Variants in ROBO1 observed in about 807,000 individuals in gnomAD.
The protein encoded by ROBO1 is roundabout guidance receptor 1.
ROBO1 carries 149 observed loss-of-function variants against 195.9 expected under a neutral mutation model. That is an observed-to-expected ratio of 0.76 (90% CI 0.67 to 0.87). The LOEUF (loss-of-function observed/expected upper bound fraction) is 0.87. Ranked by LOEUF, ROBO1 falls within the 40% of genes least tolerant of loss-of-function variation. The pLI is 0.00. For missense variants in ROBO1, 1,933 were observed against 2,068.3 expected, an observed-to-expected ratio of 0.93 and a Z score of 1.27; for synonymous variants, 816 against 733.2, an observed-to-expected ratio of 1.11 and a Z score of -1.82.
intron 8 of ROBO1, among the ~76,000 whole-genome samples, chr3:78,710,786 T>C (rs2081664864): frequency 6.6e-6 from 1 of 152,196 alleles, no homozygotes; most frequent in Admixed American, 6.5e-5. Flanking sequence ...AAGTCTCAAA[T>C]TATAAAGACA....
At chr3:78,645,525 C>CT (rs768954094) in intron 21 of ROBO1, among the ~76,000 whole-genome samples, 9 of 151,580 alleles carry the variant, frequency 5.9e-5, no homozygotes, top group Non-Finnish European at 1.3e-4. Flanking sequence ...ATTTCAGCCC[C>CT]TTTAAGCTGG....
At chr3:78,602,121 G>A (rs1703213291) in intron 29 of ROBO1, among the ~76,000 whole-genome samples, 3 of 151,926 alleles carry the variant, frequency 2.0e-5, no homozygotes, top group African/African-American at 7.3e-5. Flanking sequence ...CAAATCGCAT[G>A]TTGAATTGTA....
At chr3:79,174,917 T>G (rs2081239944) in intron 2 of ROBO1, among the ~76,000 whole-genome samples, 1 of 151,970 alleles carries the variant, frequency 6.6e-6, no homozygotes, top group South Asian at 2.1e-4. Context: ...GCAGAATTTT[T>G]TAATTGATGA....
chr3:78,668,424 C>T, intron 12 of ROBO1, 60 bp downstream of exon 12: 1 of 1,593,590 alleles, frequency 6.3e-7, no homozygotes, highest in Non-Finnish European at 8.6e-7. Flanking sequence ...ATCAATATCC[C>T]AGTAAGTAAA....
chr3:79,229,270 T>C (rs1314181554), intron 2 of ROBO1, among the ~76,000 whole-genome samples: 15 of 152,112 alleles, frequency 9.9e-5, no homozygotes, highest in Admixed American at 9.2e-4. Context: ...AGAACAATTC[T>C]AGGGCTAAAA....
At chr3:79,092,181 T>C (rs1205788102) in intron 3 of ROBO1, among the ~76,000 whole-genome samples, 1 of 152,168 alleles carries the variant, frequency 6.6e-6, no homozygotes, top group Admixed American at 6.5e-5. Context: ...CAACAGGACT[T>C]GCTTTCAGAT....
Position 79,268,803 on chromosome 3 carries a change from A to G in ROBO1, c.89-143264T>C, listed in dbSNP as rs559080605. On this transcript the variant is annotated intron_variant, in intron 2 of 30. Coordinates refer to ENST00000464233, the MANE Select transcript of ROBO1 (RefSeq NM_002941.4). ...TCCTTGCAGGAGGATTTGGATTGAC[A>G]TGGGTTTTGAGTATAGACCACATGG... Among the ~76,000 whole-genome samples, 3 of 151,822 alleles carry G rather than the reference A, an allele frequency of 2.0e-5. No individual in the cohort carries two copies. The South Asian group carries it at 6.2e-4, about 31-fold the overall frequency.
chr3:78,962,758 C>T (rs1197390855), intron 3 of ROBO1, among the ~76,000 whole-genome samples: 4 of 138,466 alleles, frequency 2.9e-5, no homozygotes, highest in Non-Finnish European at 6.1e-5. Context: ...TGGAGGGCAG[C>T]GCTTGCAGTG....
At chr3:79,624,519 T>A (rs1945107526) in intron 1 of ROBO1, among the ~76,000 whole-genome samples, 1 of 148,740 alleles carries the variant, frequency 6.7e-6, no homozygotes, top group South Asian at 2.1e-4. Flanking sequence ...ACTAAGCAAA[T>A]GGAAAGGAAA....
intron 4 of ROBO1, among the ~76,000 whole-genome samples, chr3:78,751,596 T>C (rs1003872287): frequency 6.6e-6 from 1 of 152,162 alleles, no homozygotes; most frequent in Admixed American, 6.6e-5. Flanking sequence ...TATCATGATA[T>C]AATTAATATT....
At chr3:79,743,990 A>G (rs1230749996) in intron 1 of ROBO1, among the ~76,000 whole-genome samples, 1 of 152,188 alleles carries the variant, frequency 6.6e-6, no homozygotes, top group Non-Finnish European at 1.5e-5. Flanking sequence ...ACATTCTAAA[A>G]TAACAGTAAA....
chr3:79,463,128 C>G (rs956099520), intron 2 of ROBO1, among the ~76,000 whole-genome samples: 4 of 152,118 alleles, frequency 2.6e-5, no homozygotes, highest in Admixed American at 6.5e-5. Flanking sequence ...AATCCCAGCA[C>G]TTTGGGAAGC....
Position 78,668,047 on chromosome 3 carries a change from T to C in ROBO1, c.1802A>G (p.His601Arg). The part of the protein sequence containing the change: ...PTSYIIEAFS[H>R]ASGSSWQTVA... ...GGTCTGCCAGCTGCTACCAGATGCA[T>C]GGCTAAGGATAGACACACAGGTTAG... Residue 601 changes from histidine to arginine, a missense_variant and splice_region_variant, in exon 14 of 31, where the codon CAT becomes CGT. His to Arg is a conservative substitution (Grantham distance 29, BLOSUM62 0). Transcript: ENST00000464233. 4 of 1,613,528 alleles carry C rather than the reference T, an allele frequency of 2.5e-6. No individual in the cohort carries two copies. The highest frequency in any genetic ancestry group is 1.7e-6 in the Non-Finnish European group (2 of 1,179,644).
At chr3:79,379,526 G>A (rs1476484642) in intron 2 of ROBO1, among the ~76,000 whole-genome samples, 1 of 152,152 alleles carries the variant, frequency 6.6e-6, no homozygotes, top group African/African-American at 2.4e-5. Flanking sequence ...CAAACCTAAA[G>A]ATACTTCAAT....
intron 1 of ROBO1, among the ~76,000 whole-genome samples, chr3:79,708,517 T>C (rs909653313): frequency 2.6e-5 from 4 of 152,150 alleles, no homozygotes; most frequent in Non-Finnish European, 4.4e-5. Flanking sequence ...AGAATAGCAG[T>C]AAAATTTTGC....
At chr3:79,485,070 A>T (rs1351352785) in intron 2 of ROBO1, among the ~76,000 whole-genome samples, 1 of 151,990 alleles carries the variant, frequency 6.6e-6, no homozygotes, top group Admixed American at 6.6e-5. Flanking sequence ...TTACTCTTAG[A>T]AAAGACTCTG....
intron 3 of ROBO1, among the ~76,000 whole-genome samples, chr3:79,028,422 G>A (rs975563491): frequency 2.0e-5 from 3 of 151,622 alleles, no homozygotes; most frequent in Non-Finnish European, 4.4e-5. Flanking sequence ...ATCATTAAAA[G>A]AGCAAAATAG....
At chr3:78,717,911 T>C (rs2108077574) in intron 5 of ROBO1, 28 bp from the exon 6 acceptor site, 3 of 1,609,628 alleles carry the variant, frequency 1.9e-6, no homozygotes, top group East Asian at 2.2e-5. Context: ...ACAGGAATAC[T>C]ATTAAAATTG....
intron 4 of ROBO1, among the ~76,000 whole-genome samples, chr3:78,785,448 T>C (rs1468995636): frequency 6.6e-6 from 1 of 152,190 alleles, no homozygotes; most frequent in Non-Finnish European, 1.5e-5. Context: ...TTCACTGCTT[T>C]CAAAACACTA....
Sources: allele counts gnomAD v4.1 joint callset (sites outside exome capture counted in the v4.1 genomes callset), GRCh38; gene constraint gnomAD v4.1.1; transcripts MANE v1.5; gene names NCBI Gene and HGNC (gene_info 2026-07-23, HGNC 2026-07-21).